The following FHIT variants were observed in gnomAD, a reference collection of about 807,000 sequenced individuals.
The protein encoded by FHIT is bis(5'-adenosyl)-triphosphatase.
A neutral mutation model predicts 17.9 loss-of-function variants in FHIT; 19 were observed. The ratio of observed to expected loss-of-function variants is 1.06; its 90% CI spans 0.74 to 1.56. The LOEUF (loss-of-function observed/expected upper bound fraction) is 1.56, where lower values mean the gene tolerates loss of function less well. Ranked by LOEUF, FHIT falls within the 40% of genes most tolerant of loss-of-function variation. The pLI is 0.00. For missense variants in FHIT, 248 were observed against 189.2 expected, an observed-to-expected ratio of 1.31 and a Z score of -1.82; for synonymous variants, 81 against 69.7, an observed-to-expected ratio of 1.16 and a Z score of -0.81.
At chr3:59,884,276 T>C (rs1305004331) in intron 8 of FHIT, among the ~76,000 whole-genome samples, 1 of 152,234 alleles carries the variant, frequency 6.6e-6, no homozygotes, top group Admixed American at 6.5e-5. Context: ...TCACAAATTG[T>C]GTGGTGCACA....
intron 5 of FHIT, among the ~76,000 whole-genome samples, chr3:60,353,121 T>A (rs1326615684): frequency 6.6e-6 from 1 of 152,190 alleles, no homozygotes; most frequent in East Asian, 1.9e-4. Context: ...GTGATCTTAA[T>A]ATTATTTTAC....
intron 3 of FHIT, among the ~76,000 whole-genome samples, chr3:60,983,063 C>T (rs1710559706): frequency 6.6e-6 from 1 of 152,182 alleles, no homozygotes; most frequent in Middle Eastern, 3.4e-3. Context: ...GGACTCCTTG[C>T]CTTCTTGGAC....
rs34970137 is a variant in FHIT, at chr3:60,535,589, G to GTT, written c.103+1269_103+1270dup. On this transcript the variant is annotated intron_variant, in intron 5 of 9. Transcript: ENST00000492590. Reference sequence around the variant, plus strand: ...TAGGGCTTTTCTAAATCATTCTAGTGTTTTTTTTTAATAAACAGAAGAAAA... The same window carrying GTT: ...TAGGGCTTTTCTAAATCATTCTAGTGTTTTTTTTTTTAATAAACAGAAGAAAA... Among the ~76,000 whole-genome samples the GTT allele has an allele frequency of 6.9e-4, 103 of 150,356 alleles. 1 individual carries two copies. Among genetic ancestry groups the GTT allele is most frequent in the African/African-American group, 2.0e-3 (82 of 41,056 alleles).
chr3:60,155,687 G>A (rs923327506), intron 5 of FHIT, among the ~76,000 whole-genome samples: 7 of 151,986 alleles, frequency 4.6e-5, no homozygotes, highest in Non-Finnish European at 7.4e-5. Flanking sequence ...AGTCTCCTGG[G>A]TTTTTTTTCT....
intron 5 of FHIT, among the ~76,000 whole-genome samples, chr3:60,512,937 C>G (rs1465396302): frequency 1.3e-5 from 2 of 152,106 alleles, no homozygotes; most frequent in African/African-American, 4.8e-5. Flanking sequence ...GGAACCTTGA[C>G]TGGATCTGTG....
At chr3:60,962,889 T>C (rs1203336545) in intron 3 of FHIT, among the ~76,000 whole-genome samples, 2 of 152,244 alleles carry the variant, frequency 1.3e-5, no homozygotes, top group Admixed American at 1.3e-4. Context: ...TCTAAAATTC[T>C]CTTATTTGGT....
intron 5 of FHIT, among the ~76,000 whole-genome samples, chr3:60,069,310 T>C (rs1351857805): frequency 6.6e-6 from 1 of 152,198 alleles, no homozygotes; most frequent in East Asian, 1.9e-4. Flanking sequence ...TTATAAAAAA[T>C]ATCCAAATAG....
At chr3:61,193,502 A>T (rs992935647) in intron 2 of FHIT, among the ~76,000 whole-genome samples, 1 of 152,196 alleles carries the variant, frequency 6.6e-6, no homozygotes, top group Non-Finnish European at 1.5e-5. Flanking sequence ...GGGCCTTTTT[A>T]AAAATGTTTT....
At chr3:60,458,711 A>G (rs1255354954) in intron 5 of FHIT, among the ~76,000 whole-genome samples, 3 of 152,214 alleles carry the variant, frequency 2.0e-5, no homozygotes, top group Admixed American at 6.5e-5. Context: ...AGATGTCAAA[A>G]GCTGATACAG....
intron 4 of FHIT, among the ~76,000 whole-genome samples, chr3:60,577,644 G>A (rs533739054): frequency 6.6e-6 from 1 of 152,226 alleles, no homozygotes; most frequent in South Asian, 2.1e-4. Flanking sequence ...TGCACACTGA[G>A]AAGACATCAG....
chr3:60,592,258 TAC>T (rs1491510516), intron 4 of FHIT, among the ~76,000 whole-genome samples: 1 of 143,326 alleles, frequency 7.0e-6, no homozygotes, highest in African/African-American at 2.5e-5. Context: ...ATACTATATA[TAC>T]TCTCTCTCTA....
chr3:59,753,250 CAAGCAGGG>C (rs1701016925), intron 8 of FHIT, among the ~76,000 whole-genome samples: 1 of 152,046 alleles, frequency 6.6e-6, no homozygotes, highest in African/African-American at 2.4e-5. Context: ...AAAGAGGGTT[CAAGCAGGG>C]AAACAGTAAA....
At chr3:59,997,981 C>G (rs964798700) in intron 7 of FHIT, among the ~76,000 whole-genome samples, 1 of 152,122 alleles carries the variant, frequency 6.6e-6, no homozygotes, top group Non-Finnish European at 1.5e-5. Flanking sequence ...GGTTTCAACA[C>G]AGGGTATCAA....
intron 5 of FHIT, among the ~76,000 whole-genome samples, chr3:60,388,476 G>C (rs1284736621): frequency 1.3e-5 from 2 of 152,026 alleles, no homozygotes; most frequent in African/African-American, 2.4e-5. Flanking sequence ...GTGGTCACAT[G>C]CCTGTAGACC....
chr3:59,946,914 T>A (rs761563281), intron 7 of FHIT, among the ~76,000 whole-genome samples: 2 of 152,192 alleles, frequency 1.3e-5, no homozygotes, highest in Non-Finnish European at 2.9e-5. Context: ...TTCAGTTTGC[T>A]AGTATTTGGT....
intron 1 of FHIT, among the ~76,000 whole-genome samples, chr3:61,209,871 G>C (rs1560077305): frequency 6.6e-6 from 1 of 152,144 alleles, no homozygotes; most frequent in Non-Finnish European, 1.5e-5. Context: ...GCGTTCCTTT[G>C]GAGGAGGAGA....
intron 7 of FHIT, among the ~76,000 whole-genome samples, chr3:59,928,387 G>A (rs1705779120): frequency 2.0e-5 from 3 of 152,208 alleles, no homozygotes; most frequent in Admixed American, 1.3e-4. Flanking sequence ...AAAACTGGAA[G>A]AGGGTGAACA....
rs1004573082 is a variant in FHIT, at chr3:60,486,854, G to C, written c.103+50006C>G. Among the ~76,000 whole-genome samples, 4 of 151,932 alleles carry C rather than the reference G, an allele frequency of 2.6e-5. No individual in the cohort carries two copies. In the South Asian group the frequency reaches 8.3e-4, roughly 32 times the overall value. ...TTCTCAAAACAAAGTCAGTTTAAAC[G>C]TGCTTCAGTTAAAACCACTGCCCTA... On this transcript the variant is annotated intron_variant, in intron 5 of 9. Transcript: ENST00000492590.
intron 7 of FHIT, among the ~76,000 whole-genome samples, chr3:59,967,840 TGAA>T (rs1465277109): frequency 6.8e-6 from 1 of 146,624 alleles, no homozygotes; most frequent in African/African-American, 2.5e-5. Flanking sequence ...GTGAAGAAAA[TGAA>T]GAAAAGGAGA....
Sources: allele counts gnomAD v4.1 joint callset (sites outside exome capture counted in the v4.1 genomes callset), GRCh38; gene constraint gnomAD v4.1.1; transcripts MANE v1.5; gene names NCBI Gene and HGNC (gene_info 2026-07-23, HGNC 2026-07-21).